The following LRP1B variants were observed in gnomAD, a reference collection of about 807,000 sequenced individuals.
The protein encoded by LRP1B is low-density lipoprotein receptor-related protein 1B.
In LRP1B, 217 loss-of-function variants were observed where a neutral mutation model predicts 556.6. The observed-to-expected ratio is 0.39, with a 90% confidence interval of 0.35 to 0.44. LRP1B has a LOEUF of 0.44. LRP1B is among the 20% of genes least tolerant of loss of function. The probability of loss-of-function intolerance (pLI) is 1.00; values close to 1 mark genes in which losing one functional copy is unlikely to be tolerated. For synonymous variants in LRP1B, 2,047 were observed against 1,865.8 expected (o/e 1.10, Z -2.50); for missense variants, 5,053 against 5,620.8 (o/e 0.90, Z 3.23).
intron 2 of LRP1B, among the ~76,000 whole-genome samples, chr2:141,639,363 C>CAT (rs775633233): frequency 1.2e-4 from 8 of 66,066 alleles, no homozygotes; most frequent in East Asian, 8.6e-4. Flanking sequence ...CACACACACA[C>CAT]ATATATATAT....
chr2:141,839,955 A>G (rs894506012), intron 1 of LRP1B, among the ~76,000 whole-genome samples: 4 of 152,298 alleles, frequency 2.6e-5, no homozygotes, highest in Non-Finnish European at 5.9e-5. Context: ...CATTTGTTAA[A>G]GAAAAATAAA....
rs2105397184 is a variant in LRP1B, at chr2:141,020,077, A to G, written c.1815T>C (p.Ala605=). ...AAAGATTATTTCCAATCCAGTCCACAGCAATGCCCTCTACATTATCCAGAT... is the reference window on the plus strand; with the variant it reads ...AAAGATTATTTCCAATCCAGTCCACGGCAATGCCCTCTACATTATCCAGAT... ...KDDLDNVEGI[A]VDWIGNNLYW... is the part of the protein sequence containing the mutation. The change falls in exon 12 of 91, where the codon GCT becomes GCC. Residue 605 remains alanine, a synonymous_variant. Transcript: ENST00000389484. 1 of 1,607,010 alleles carries G rather than the reference A, an allele frequency of 6.2e-7. No homozygotes were observed. Among genetic ancestry groups the G allele is most frequent in the Non-Finnish European group, 8.5e-7 (1 of 1,175,924 alleles).
At chr2:140,578,501 G>A (rs772847679) in intron 43 of LRP1B, among the ~76,000 whole-genome samples, 3 of 152,154 alleles carry the variant, frequency 2.0e-5, no homozygotes, top group Non-Finnish European at 2.9e-5. Flanking sequence ...CAGCAGTTAC[G>A]ATCCCTGCTC....
chr2:140,964,896 G>C lies in LRP1B; in HGVS notation c.2888-12956C>G, dbSNP rs114850773. 7.2e-3 allele frequency among the ~76,000 whole-genome samples: 1,095 copies of C among 152,278 alleles called. 9 individuals are homozygous for C. The highest frequency in any genetic ancestry group is 0.023 in the African/African-American group (964 of 41,554). On this transcript the variant is annotated intron_variant, in intron 18 of 90. Coordinates refer to ENST00000389484, the MANE Select transcript of LRP1B (RefSeq NM_018557.3). ...TTGAACCCAGGAGGCGGAAGTCAAA[G>C]CGAGCTGAGACTGCGTCATTGCACT...
intron 1 of LRP1B, among the ~76,000 whole-genome samples, chr2:141,858,062 C>G (rs1698119234): frequency 6.6e-6 from 1 of 152,108 alleles, no homozygotes; most frequent in African/African-American, 2.4e-5. Flanking sequence ...AGTAGGTACC[C>G]TAATTCAAAC....
At chr2:140,713,175 C>A (rs1207253548) in intron 37 of LRP1B, among the ~76,000 whole-genome samples, 4 of 152,016 alleles carry the variant, frequency 2.6e-5, no homozygotes, top group Non-Finnish European at 5.9e-5. Context: ...ACTTGGCTGT[C>A]TCAGAAAGAT....
At chr2:140,365,564 G>C (rs1682722589) in intron 71 of LRP1B, among the ~76,000 whole-genome samples, 2 of 151,694 alleles carry the variant, frequency 1.3e-5, no homozygotes, top group African/African-American at 4.8e-5. Flanking sequence ...GGAACTGTGG[G>C]TCCCAGTCTT....
rs114641819 is a variant in LRP1B at position 140,461,356 on chromosome 2, G to A, written c.9626-3705C>T. Among the ~76,000 whole-genome samples the A allele has an allele frequency of 6.9e-3, 1,051 of 152,074 alleles. 9 individuals are homozygous for A. Among genetic ancestry groups the A allele is most frequent in the Non-Finnish European group, 7.9e-3 (538 of 67,994 alleles). On this transcript the variant is annotated intron_variant, in intron 60 of 90. Transcript: ENST00000389484. ...AATCTCATAGTTAATGTTATGGGAG[G>A]ATACAGCATTAGGATATTGGTAGCT...
intron 84 of LRP1B, among the ~76,000 whole-genome samples, chr2:140,287,641 T>A (rs1406567699): frequency 8.1e-5 from 11 of 135,276 alleles, no homozygotes; most frequent in African/African-American, 1.1e-4. Context: ...ATATTGCAAG[T>A]AAAAAAAAAA....
chr2:140,542,914 G>T (rs544358792), intron 43 of LRP1B, among the ~76,000 whole-genome samples: 1 of 152,252 alleles, frequency 6.6e-6, no homozygotes. Context: ...CCACAGGAAA[G>T]AATTAGAGAG....
intron 57 of LRP1B, among the ~76,000 whole-genome samples, chr2:140,489,616 G>A (rs1220262900): frequency 6.6e-6 from 1 of 152,014 alleles, no homozygotes; most frequent in Non-Finnish European, 1.5e-5. Context: ...GTTTGTAGAG[G>A]GCTTAATAAA....
chr2:141,274,103 A>G (rs1270630729), intron 3 of LRP1B, among the ~76,000 whole-genome samples: 1 of 152,144 alleles, frequency 6.6e-6, no homozygotes, highest in Non-Finnish European at 1.5e-5. Context: ...ATCCTCCTAC[A>G]CTCTTGATGG....
intron 27 of LRP1B, among the ~76,000 whole-genome samples, chr2:140,860,447 G>A (rs772118247): frequency 6.6e-6 from 1 of 152,110 alleles, no homozygotes; most frequent in Admixed American, 6.5e-5. Context: ...AAATTTAAAA[G>A]GAGCAGTTGA....
At chr2:140,785,494 T>G (rs1689863976) in intron 32 of LRP1B, among the ~76,000 whole-genome samples, 1 of 152,102 alleles carries the variant, frequency 6.6e-6, no homozygotes, top group African/African-American at 2.4e-5. Context: ...ATTTTGAGAT[T>G]CCATAGTATC....
chr2:141,094,916 T>C (rs1285401220), intron 7 of LRP1B, among the ~76,000 whole-genome samples: 5 of 152,094 alleles, frequency 3.3e-5, no homozygotes, highest in Admixed American at 3.3e-4. Context: ...TTTGAATGTG[T>C]CCCCCCAAAA....
intron 1 of LRP1B, among the ~76,000 whole-genome samples, chr2:142,118,146 T>C (rs895142025): frequency 6.6e-6 from 1 of 152,152 alleles, no homozygotes; most frequent in African/African-American, 2.4e-5. Context: ...TGATTTTTTT[T>C]TCTTTGCTTT....
chr2:140,454,987 A>G (rs1448589342), intron 62 of LRP1B, among the ~76,000 whole-genome samples: 2 of 152,180 alleles, frequency 1.3e-5, no homozygotes, highest in Non-Finnish European at 2.9e-5. Context: ...AGACTGATAT[A>G]TGTATGATCA....
intron 84 of LRP1B, among the ~76,000 whole-genome samples, chr2:140,280,513 T>C (rs1682871874): frequency 6.6e-6 from 1 of 151,720 alleles, no homozygotes; most frequent in South Asian, 2.1e-4. Context: ...AAAGGATGAA[T>C]TCATAATTGA....
intron 41 of LRP1B, among the ~76,000 whole-genome samples, chr2:140,692,487 A>C (rs1686280178): frequency 1.3e-5 from 2 of 152,142 alleles, no homozygotes; most frequent in South Asian, 4.1e-4. Context: ...ATTGTGTGTG[A>C]AAGTCTGGTT....
Sources: allele counts gnomAD v4.1 joint callset (sites outside exome capture counted in the v4.1 genomes callset), GRCh38; gene constraint gnomAD v4.1.1; transcripts MANE v1.5; gene names NCBI Gene and HGNC (gene_info 2026-07-23, HGNC 2026-07-21).